Variants in LHFPL4 observed in about 807,000 individuals in gnomAD.
The protein encoded by LHFPL4 is LHFPL tetraspan subfamily member 4 protein.
In LHFPL4, 6 loss-of-function variants were observed where a neutral mutation model predicts 20.0. The ratio of observed to expected loss-of-function variants is 0.30; its 90% CI spans 0.16 to 0.59. The LOEUF (loss-of-function observed/expected upper bound fraction) is 0.59, where lower values mean the gene tolerates loss of function less well. Ranked by LOEUF, LHFPL4 falls within the 20% of genes least tolerant of loss-of-function variation. The probability of loss-of-function intolerance (pLI) is 0.88; values close to 1 mark genes in which losing one functional copy is unlikely to be tolerated. For synonymous variants in LHFPL4, 129 were observed against 143.8 expected (o/e 0.90, Z 0.74); for missense variants, 215 against 331.2 (o/e 0.65, Z 2.72).
Position 9,499,916 on chromosome 3 carries a change from T to C in LHFPL4, c.*2295A>G, listed in dbSNP as rs534245586. On this transcript the variant is annotated 3_prime_UTR_variant, in exon 4 of 4. Coordinates refer to ENST00000287585, the MANE Select transcript of LHFPL4 (RefSeq NM_198560.3). ...TTCTTGCCCCCAACCCACATCTCCA[T>C]TTACCTCTTCCCCGCTCCCGAGTCC... The C allele has an allele frequency of 6.6e-6, 1 of 151,434 alleles. No individual in the cohort carries two copies. The highest frequency in any genetic ancestry group is 2.1e-4 in the South Asian group (1 of 4,746). 9.4% of individuals were successfully genotyped at this position (151,434 alleles called of 1,614,324 possible).
In LHFPL4 at chr3:9,517,560, C is replaced by T. The variant is rs953582568; in HGVS notation, c.407-11357G>A. ...TGTACCAAAAATGAAAAAATTTAGC[C>T]AGGTGTGGTGGCATGTTCCCAGCTA... On this transcript the variant is annotated intron_variant, in intron 2 of 3. Coordinates refer to ENST00000287585, the MANE Select transcript of LHFPL4 (RefSeq NM_198560.3). Among the ~76,000 whole-genome samples the T allele has an allele frequency of 2.0e-5, 3 of 151,068 alleles. No homozygotes were observed. The South Asian group carries it at 6.3e-4, about 32-fold the overall frequency.
rs192075070 is a variant in LHFPL4, at chr3:9,505,207, G to A, written c.643+760C>T. On this transcript the variant is annotated intron_variant, in intron 3 of 3. Transcript: ENST00000287585. The stretch of plus-strand genomic sequence containing the variant: ...CAGGCAAATGATCAGATCTGAGGCA[G>A]AACATCAAATCATTTAAAAGGTGGT... 3.6e-3 allele frequency among the ~76,000 whole-genome samples: 555 copies of A among 152,280 alleles called. 1 individual carries two copies. Among genetic ancestry groups the A allele is most frequent in the Middle Eastern group, 0.014 (4 of 294 alleles).
chr3:9,509,272 C>G (rs989432746), intron 2 of LHFPL4, among the ~76,000 whole-genome samples: 10 of 147,168 alleles, frequency 6.8e-5, no homozygotes, highest in Non-Finnish European at 1.3e-4. Flanking sequence ...GCTTGTCTAC[C>G]TAGTGCTCAA....
At chr3:9,543,252 A>G (rs1235324770) in intron 2 of LHFPL4, among the ~76,000 whole-genome samples, 1 of 151,938 alleles carries the variant, frequency 6.6e-6, no homozygotes, top group African/African-American at 2.4e-5. Flanking sequence ...CTGTAATCCC[A>G]GCACTGTGGG....
At chr3:9,512,772 C>T (rs2046269900) in intron 2 of LHFPL4, among the ~76,000 whole-genome samples, 1 of 152,184 alleles carries the variant, frequency 6.6e-6, no homozygotes, top group Admixed American at 6.5e-5. Flanking sequence ...TGTCTTCATC[C>T]ATCTCTCCAT....
At chr3:9,505,091 G>C (rs958850917) in intron 3 of LHFPL4, among the ~76,000 whole-genome samples, 1 of 152,100 alleles carries the variant, frequency 6.6e-6, no homozygotes, top group African/African-American at 2.4e-5. Flanking sequence ...CCATTGGGCT[G>C]TTTATAGCTG....
intron 2 of LHFPL4, 101 bp downstream of exon 2, chr3:9,552,173 G>A: frequency 6.8e-7 from 1 of 1,459,902 alleles, no homozygotes; most frequent in Non-Finnish European, 9.2e-7. Flanking sequence ...TCTTAACACA[G>A]AGAAGCAGAA....
intron 1 of LHFPL4, among the ~76,000 whole-genome samples, chr3:9,553,300 G>A (rs1440562449): frequency 6.6e-6 from 1 of 151,030 alleles, no homozygotes; most frequent in African/African-American, 2.4e-5. Context: ...GGCTGGGACG[G>A]GGAATGGGGG....
intron 2 of LHFPL4, among the ~76,000 whole-genome samples, chr3:9,530,607 G>A (rs2046402902): frequency 6.6e-6 from 1 of 152,084 alleles, no homozygotes; most frequent in African/African-American, 2.4e-5. Flanking sequence ...TCATTCATGT[G>A]CTCACCGGAG....
At chr3:9,539,116 A>G (rs1267867948) in intron 2 of LHFPL4, among the ~76,000 whole-genome samples, 1 of 152,132 alleles carries the variant, frequency 6.6e-6, no homozygotes, top group Non-Finnish European at 1.5e-5. Context: ...TTAAGCACCT[A>G]TATGCCAGGT....
intron 1 of LHFPL4, among the ~76,000 whole-genome samples, chr3:9,553,393 G>T (rs1239427899): frequency 2.0e-5 from 3 of 151,312 alleles, no homozygotes; most frequent in Admixed American, 6.6e-5. Context: ...GCTGGACACG[G>T]GGCGAGGAAG....
At chr3:9,517,199 C>T (rs2046308737) in intron 2 of LHFPL4, among the ~76,000 whole-genome samples, 1 of 152,058 alleles carries the variant, frequency 6.6e-6, no homozygotes, top group Non-Finnish European at 1.5e-5. Flanking sequence ...GGGTCTTTTG[C>T]CTCTCCATAT....
intron 2 of LHFPL4, among the ~76,000 whole-genome samples, chr3:9,524,600 G>T (rs2046361684): frequency 6.6e-6 from 1 of 151,922 alleles, no homozygotes; most frequent in Non-Finnish European, 1.5e-5. Flanking sequence ...TTTATTTTTG[G>T]TCCTCTCTTA....
At chr3:9,520,942 G>A (rs559975889) in intron 2 of LHFPL4, among the ~76,000 whole-genome samples, 2 of 152,154 alleles carry the variant, frequency 1.3e-5, no homozygotes, top group South Asian at 4.1e-4. Flanking sequence ...TGGTGGTGTT[G>A]AGTTCAGCTA....
intron 3 of LHFPL4, 110 bp downstream of exon 3, chr3:9,505,857 C>CCAGG: frequency 9.3e-7 from 1 of 1,073,262 alleles, no homozygotes; most frequent in Non-Finnish European, 1.4e-6. Flanking sequence ...CCACGCCCAG[C>CCAGG]CAGGGTTTCC....
intron 3 of LHFPL4, among the ~76,000 whole-genome samples, chr3:9,503,381 A>G (rs1350987009): frequency 6.6e-6 from 1 of 152,164 alleles, no homozygotes; most frequent in Non-Finnish European, 1.5e-5. Context: ...GCACTTCTGA[A>G]AGCTGCCGCC....
intron 2 of LHFPL4, among the ~76,000 whole-genome samples, chr3:9,525,698 C>A (rs536911840): frequency 1.3e-5 from 2 of 152,148 alleles, no homozygotes; most frequent in South Asian, 4.2e-4. Context: ...AGCAAGATTT[C>A]TTTGACACAA....
intron 2 of LHFPL4, among the ~76,000 whole-genome samples, chr3:9,532,844 T>G (rs2046419082): frequency 6.6e-6 from 1 of 152,152 alleles, no homozygotes; most frequent in East Asian, 1.9e-4. Context: ...GTGGCCTCTC[T>G]GATCTGCCAC....
chr3:9,531,407 A>G (rs559481085), intron 2 of LHFPL4, among the ~76,000 whole-genome samples: 27 of 152,336 alleles, frequency 1.8e-4, no homozygotes, highest in African/African-American at 6.3e-4. Flanking sequence ...TTGAGTATCT[A>G]TAAGCATGTC....
Sources: gnomAD v4.1 joint callset for allele counts (sites outside exome capture counted in the v4.1 genomes callset) on GRCh38, gnomAD v4.1.1 for gene constraint, MANE v1.5 for transcripts, NCBI Gene and HGNC (gene_info 2026-07-23, HGNC 2026-07-21) for gene names.